The following TIMP2 variants were observed in gnomAD, a reference collection of about 807,000 sequenced individuals.
TIMP2 encodes metalloproteinase inhibitor 2.
TIMP2 carries 5 observed loss-of-function variants against 24.3 expected under a neutral mutation model. The ratio of observed to expected loss-of-function variants is 0.21; its 90% confidence interval spans 0.11 to 0.43. The LOEUF (loss-of-function observed/expected upper bound fraction) is 0.43. Among genes scored for constraint, TIMP2 ranks in the 20% least tolerant of loss-of-function variants. TIMP2 has a pLI of 1.00. For missense variants in TIMP2, 221 were observed against 297.5 expected, an observed-to-expected ratio of 0.74 and a Z score of 1.89; for synonymous variants, 130 against 123.2, an observed-to-expected ratio of 1.06 and a Z score of -0.37.
chr17:78,878,980 C>T (rs990364534), intron 1 of TIMP2, among the ~76,000 whole-genome samples: 2 of 152,204 alleles, frequency 1.3e-5, no homozygotes, highest in Non-Finnish European at 2.9e-5. Context: ...ACCAGCACGC[C>T]GCAGACATGA....
intron 1 of TIMP2, among the ~76,000 whole-genome samples, chr17:78,893,405 G>A (rs1356833480): frequency 3.9e-5 from 5 of 128,298 alleles, no homozygotes; most frequent in Admixed American, 7.3e-5. Flanking sequence ...ATGCAGGGGT[G>A]TGTGTGCATA....
rs538766721 is a variant in TIMP2, at chr17:78,913,010, G to C, written c.130+11949C>G. Among the ~76,000 whole-genome samples the C allele has an allele frequency of 3.3e-3, 501 of 152,252 alleles. 3 individuals are homozygous for C. The highest frequency in any genetic ancestry group is 0.01 in the African/African-American group (436 of 41,546). On this transcript the variant is annotated intron_variant, in intron 1 of 4. Transcript: ENST00000262768. ...ACCTGAGGTTGGGAGTTCCAGACCA[G>C]CCTGGCCAACATAGTGAAACCCTGT...
In TIMP2 at chr17:78,896,246, T is replaced by C. The variant is rs2069997712; in HGVS notation, c.131-22327A>G. On this transcript the variant is annotated intron_variant, in intron 1 of 4. Coordinates refer to ENST00000262768, the MANE Select transcript of TIMP2 (RefSeq NM_003255.5). This position sits in a 1 kb window ranked among gnomAD's most constrained non-coding sequence, Gnocchi z 4.4. ...GTCTCACGTGGACTTGTGCAGGCAC[T>C]GGCAGGGAAAGCAACAGAGCCTTAG... Among the ~76,000 whole-genome samples the C allele has an allele frequency of 6.6e-6, 1 of 152,174 alleles. No individual in the cohort carries two copies. The highest frequency in any genetic ancestry group is 1.5e-5 in the Non-Finnish European group (1 of 68,028).
intron 1 of TIMP2, among the ~76,000 whole-genome samples, chr17:78,890,398 C>T (rs542392252): frequency 8.3e-4 from 127 of 152,244 alleles, no homozygotes; most frequent in African/African-American, 2.9e-3. Context: ...AACGGGGTTT[C>T]GCCATGTTGG....
intron 3 of TIMP2, among the ~76,000 whole-genome samples, chr17:78,859,906 C>T (rs1240667875): frequency 2.0e-5 from 3 of 152,122 alleles, no homozygotes; most frequent in Non-Finnish European, 4.4e-5. Context: ...GCAGGAGAAT[C>T]GCTTGAACCC....
chr17:78,860,066 C>T lies in TIMP2; in HGVS notation c.341-2420G>A, dbSNP rs540393049. Among the ~76,000 whole-genome samples the T allele has an allele frequency of 3.9e-5, 6 of 152,192 alleles. No homozygotes were observed. In the East Asian group the frequency reaches 7.7e-4, roughly 20 times the overall value. On this transcript the variant is annotated intron_variant, in intron 3 of 4. Transcript: ENST00000262768. ...TGGCGGGTGCCTGTAGTCCCAGCTA[C>T]TCAGGAGGCTGAGGCAGGAGAATCA...
At position 78,855,577 on chromosome 17, in the gene TIMP2, G is replaced by A; in HGVS notation, c.*90C>T. 2.1e-6 allele frequency: 3 copies of A among 1,398,870 alleles called. No individual in the cohort carries two copies. Among genetic ancestry groups the A allele is most frequent in the South Asian group, 1.3e-5 (1 of 79,890 alleles). 86.7% of individuals were successfully genotyped at this position (1,398,870 alleles called of 1,614,324 possible). On this transcript the variant is annotated 3_prime_UTR_variant, in exon 5 of 5. Transcript: ENST00000262768. The surrounding 1 kb of genome is among the most constrained non-coding windows in gnomAD (Gnocchi z 6.0). The stretch of plus-strand genomic sequence containing the variant: ...CCCATGGGATGAGTGTTTTATTCAT[G>A]CTGTTTCCAGGAAGGGATGTCAGAG...
chr17:78,903,139 G>A (rs1459639074), intron 1 of TIMP2: 1 of 152,480 alleles, frequency 6.6e-6, no homozygotes, highest in Non-Finnish European at 1.5e-5. Context: ...CTGACCAAAG[G>A]TGGCCGGAAT....
intron 1 of TIMP2, chr17:78,874,137 G>A (rs942171014): frequency 9.7e-6 from 5 of 514,866 alleles, no homozygotes; most frequent in Admixed American, 3.6e-5. Context: ...CTCCTTCCAC[G>A]ATTCTTCAAC....
chr17:78,865,531 G>A (rs551327812), intron 3 of TIMP2, among the ~76,000 whole-genome samples: 2 of 152,040 alleles, frequency 1.3e-5, no homozygotes, highest in Admixed American at 1.3e-4. Context: ...GGCTGAGGCA[G>A]GAGAATCACT....
intron 2 of TIMP2, 49 bp downstream of exon 2, chr17:78,873,770 C>A (rs1481646209): frequency 1.3e-6 from 2 of 1,534,028 alleles, no homozygotes; most frequent in Non-Finnish European, 1.8e-6. Context: ...CCCCAACACC[C>A]CACAGCTGTG....
intron 1 of TIMP2, among the ~76,000 whole-genome samples, chr17:78,914,522 A>G (rs2070238613): frequency 6.6e-6 from 1 of 151,440 alleles, no homozygotes; most frequent in Non-Finnish European, 1.5e-5. Context: ...ACCTCAGGTG[A>G]TCCACCCACC....
intron 2 of TIMP2, among the ~76,000 whole-genome samples, chr17:78,872,557 G>A (rs1371127148): frequency 1.3e-5 from 2 of 152,130 alleles, no homozygotes; most frequent in African/African-American, 4.8e-5. Flanking sequence ...CATGACAAAT[G>A]GCTTGAGAGT....
intron 2 of TIMP2, 89 bp downstream of exon 2, chr17:78,873,730 C>T (rs1379124919): frequency 2.1e-5 from 22 of 1,032,836 alleles, no homozygotes; most frequent in Non-Finnish European, 3.2e-5. Flanking sequence ...GTGGCCAGAT[C>T]GTGTTCCAGG....
intron 3 of TIMP2, among the ~76,000 whole-genome samples, chr17:78,859,419 G>C (rs945442702): frequency 6.6e-6 from 1 of 152,196 alleles, no homozygotes; most frequent in Non-Finnish European, 1.5e-5. Flanking sequence ...TAGCACTTTG[G>C]GAGGCTGAGG....
chr17:78,882,975 G>A (rs1287755135), intron 1 of TIMP2, among the ~76,000 whole-genome samples: 2 of 152,258 alleles, frequency 1.3e-5, no homozygotes, highest in Non-Finnish European at 2.9e-5. Context: ...TTTGGTCAGC[G>A]GGTGCGGCAG....
chr17:78,864,979 G>C (rs1372478634), intron 3 of TIMP2, among the ~76,000 whole-genome samples: 1 of 152,176 alleles, frequency 6.6e-6, no homozygotes, highest in East Asian at 1.9e-4. Flanking sequence ...GCTTGAACCT[G>C]GGGGGCGGAA....
intron 1 of TIMP2, chr17:78,898,328 G>A (rs4789938): frequency 0.87 from 131,714 of 152,258 alleles, 57,201 homozygotes; most frequent in African/African-American, 0.93. Context: ...CAGGGATTCC[G>A]GGCCGAGCAG....
chr17:78,891,835 T>A lies in TIMP2; in HGVS notation c.131-17916A>T, dbSNP rs2069901060. ...TGGTCGAAGGTTCTGGCCTTCCCTT[T>A]CTCTTCTCAGGCGGGGCCAGGTGAG... On this transcript the variant is annotated intron_variant, in intron 1 of 4. Coordinates refer to ENST00000262768, the MANE Select transcript of TIMP2 (RefSeq NM_003255.5). The surrounding 1 kb of genome is among the most constrained non-coding windows in gnomAD (Gnocchi z 4.5). The A allele has an allele frequency of 6.4e-7, 1 of 1,550,654 alleles. No homozygotes were observed. Among genetic ancestry groups the A allele is most frequent in the African/African-American group, 1.4e-5 (1 of 73,046 alleles).
Sources: allele counts gnomAD v4.1 joint callset (sites outside exome capture counted in the v4.1 genomes callset), GRCh38; gene constraint gnomAD v4.1.1; non-coding constraint Gnocchi (gnomAD v3.1); transcripts MANE v1.5; gene names NCBI Gene and HGNC (gene_info 2026-07-23, HGNC 2026-07-21).